The following MACF1 variants were observed in gnomAD, a reference collection of about 807,000 sequenced individuals.
MACF1 encodes microtubule actin crosslinking factor 1.
MACF1 carries 193 observed loss-of-function variants against 854.8 expected under a neutral mutation model. The ratio of observed to expected loss-of-function variants is 0.23; its 90% CI spans 0.20 to 0.25. The LOEUF (loss-of-function observed/expected upper bound fraction) is 0.25. Among genes scored for constraint, MACF1 ranks in the 10% least tolerant of loss-of-function variants. MACF1 has a pLI of 1.00. For missense variants in MACF1, 7,722 were observed against 8,929.1 expected, an observed-to-expected ratio of 0.86 and a Z score of 5.45; for synonymous variants, 3,185 against 3,226.7, an observed-to-expected ratio of 0.99 and a Z score of 0.44.
chr1:39,217,240 C>CTATTT (rs60350458), intron 1 of MACF1, among the ~76,000 whole-genome samples: 5,745 of 135,864 alleles, frequency 0.042, 214 homozygotes, highest in African/African-American at 0.084. Flanking sequence ...GATTTAGGGT[C>CTATTT]TATTTTATTT....
At chr1:39,467,781 CG>C (rs1644700384) in intron 95 of MACF1, 3 of 152,252 alleles carry the variant, frequency 2.0e-5, no homozygotes, top group South Asian at 4.1e-4. Flanking sequence ...GCAAATACTT[CG>C]GGTTAATTCC....
chr1:39,432,075 A>G (rs1254005278), intron 66 of MACF1, among the ~76,000 whole-genome samples: 1 of 152,194 alleles, frequency 6.6e-6, no homozygotes, highest in Non-Finnish European at 1.5e-5. Flanking sequence ...CCATTTAAAA[A>G]TGTGTTGTTC....
chr1:39,443,780 G>A (rs1644166667), intron 79 of MACF1, among the ~76,000 whole-genome samples: 1 of 152,104 alleles, frequency 6.6e-6, no homozygotes, highest in Admixed American at 6.5e-5. Flanking sequence ...AAGGTCAGCT[G>A]GAAATTTTGA....
Position 39,333,346 on chromosome 1 carries a change from G to T in MACF1, c.6758G>T (p.Ser2253Ile). ...GAAGCACAGAACATCGCAGGTGGTAGTATGATGATGTCAGAAAAGACCGAT... is the reference window on the plus strand; with the variant it reads ...GAAGCACAGAACATCGCAGGTGGTATTATGATGATGTCAGAAAAGACCGAT... ...SQEAQNIAGG[S>I]MMMSEKTDEE... Residue 2253 changes from serine to isoleucine, a missense_variant, in exon 37 of 101, where the codon AGT (serine) becomes ATT (isoleucine). Ser to Ile is a moderately radical substitution (Grantham distance 142). Coordinates refer to ENST00000564288, the MANE Select transcript of MACF1 (RefSeq NM_001394062.1). 1 of 1,614,144 alleles carries T rather than the reference G, an allele frequency of 6.2e-7. No individual in the cohort carries two copies. The highest frequency in any genetic ancestry group is 8.5e-7 in the Non-Finnish European group (1 of 1,180,030).
At chr1:39,446,572 G>C (rs1644236432) in intron 80 of MACF1, among the ~76,000 whole-genome samples, 1 of 151,932 alleles carries the variant, frequency 6.6e-6, no homozygotes, top group Non-Finnish European at 1.5e-5. Context: ...AACCCAGTCA[G>C]GTAGAATTAA....
intron 2 of MACF1, among the ~76,000 whole-genome samples, chr1:39,239,421 T>G (rs903035655): frequency 1.3e-5 from 2 of 152,236 alleles, no homozygotes; most frequent in Non-Finnish European, 2.9e-5. Context: ...GATAAGCAAA[T>G]TAATTCCTCC....
chr1:39,410,974 T>C (rs750616388), intron 58 of MACF1: 11 of 1,613,768 alleles, frequency 6.8e-6, no homozygotes, highest in Middle Eastern at 1.6e-4. Context: ...GCCTGTAGAA[T>C]CAGAAGCTGT....
intron 91 of MACF1, chr1:39,459,899 G>A: frequency 8.2e-7 from 1 of 1,221,140 alleles, no homozygotes; most frequent in Middle Eastern, 2.2e-4. Flanking sequence ...TTGGGTTCTT[G>A]GTGCTTTTTT....
chr1:39,234,114 A>C (rs1473843356), intron 2 of MACF1, among the ~76,000 whole-genome samples: 3 of 149,478 alleles, frequency 2.0e-5, no homozygotes, highest in Non-Finnish European at 4.5e-5. Context: ...GGGTAAGGTC[A>C]CAGATCAACA....
At chr1:39,316,569 AT>A in intron 28 of MACF1, 40 bp downstream of exon 28, 2 of 1,583,714 alleles carry the variant, frequency 1.3e-6, no homozygotes, top group Non-Finnish European at 1.7e-6. Flanking sequence ...GACCTAACAT[AT>A]TCATTGCTTT....
At chr1:39,115,559 C>A (rs567451398) in intron 2 of MACF1, among the ~76,000 whole-genome samples, 15 of 151,898 alleles carry the variant, frequency 9.9e-5, no homozygotes, top group African/African-American at 2.9e-4. Context: ...GGTTACATTG[C>A]GGTCGAGGCT....
At chr1:39,385,167 A>C (rs151222251) in intron 56 of MACF1, among the ~76,000 whole-genome samples, 1 of 152,108 alleles carries the variant, frequency 6.6e-6, no homozygotes, top group Non-Finnish European at 1.5e-5. Context: ...TCCTGGGTTC[A>C]AGCAATTCTC....
Position 39,336,229 on chromosome 1 carries a change from G to A in MACF1, c.9641G>A (p.Gly3214Asp). The A allele has an allele frequency of 1.2e-6, 2 of 1,614,070 alleles. No individual in the cohort carries two copies. The highest frequency in any genetic ancestry group is 1.7e-6 in the Non-Finnish European group (2 of 1,179,992). ...GACAGAAAAGACCTTCATCATCAGGGCAGCAAAAGTGATGATAAACTTTGT... is the reference window on the plus strand; with the variant it reads ...GACAGAAAAGACCTTCATCATCAGGACAGCAAAAGTGATGATAAACTTTGT... Reference protein sequence around the residue: ...FSDRKDLHHQGSKSDDKLCGT... With the variant: ...FSDRKDLHHQDSKSDDKLCGT... Residue 3214 changes from glycine to aspartate, a missense_variant, in exon 37 of 101, where the codon GGC becomes GAC. Transcript: ENST00000564288.
chr1:39,317,595 G>T (rs1372829874), intron 29 of MACF1, among the ~76,000 whole-genome samples, 188 bp downstream of exon 29: 1 of 152,202 alleles, frequency 6.6e-6, no homozygotes, highest in African/African-American at 2.4e-5. Context: ...CAAAGCAGAT[G>T]TAATGCCTCT....
At chr1:39,217,447 G>C (rs1390814063) in intron 1 of MACF1, among the ~76,000 whole-genome samples, 2 of 151,736 alleles carry the variant, frequency 1.3e-5, no homozygotes, top group Non-Finnish European at 2.9e-5. Context: ...GCTAATTTTT[G>C]TATTTTTGGT....
Position 39,424,167 on chromosome 1 carries a change from C to T in MACF1, c.16289C>T (p.Thr5430Ile), listed in dbSNP as rs1486636179. ...GQLESLESRW[T>I]ELLSKAAARQ... ...CTGGAGAGTCTTGAAAGTAGATGGA[C>T]TGAACTACTCAGTAAGGCAGCAGCC... is the stretch of plus-strand genomic sequence containing the variant. Residue 5430 changes from threonine to isoleucine, a missense_variant, in exon 61 of 101, where the codon ACT (threonine) becomes ATT (isoleucine). Thr to Ile is a moderately conservative substitution (Grantham distance 89). Around this residue, in one of 15 missense-constraint regions of MACF1, gnomAD observed 2,807 missense variants for 3,235.8 expected, o/e 0.87. Transcript: ENST00000564288. The T allele has an allele frequency of 6.2e-7, 1 of 1,613,590 alleles. No individual in the cohort carries two copies. Among genetic ancestry groups the T allele is most frequent in the Admixed American group, 1.7e-5 (1 of 59,948 alleles).
chr1:39,166,193 G>A (rs1214259567), intron 2 of MACF1, among the ~76,000 whole-genome samples: 4 of 151,268 alleles, frequency 2.6e-5, no homozygotes, highest in Admixed American at 2.6e-4. Flanking sequence ...TCAGCCTCCC[G>A]AGTAGCTGGG....
intron 81 of MACF1, 32 bp from the exon 82 acceptor site, chr1:39,447,660 T>G (rs1644256607): frequency 6.2e-7 from 1 of 1,613,678 alleles, no homozygotes; most frequent in African/African-American, 1.3e-5. Flanking sequence ...TATCTTATCT[T>G]AAGCTAAAAA....
At chr1:39,276,978 G>C (rs1557558881) in intron 6 of MACF1, among the ~76,000 whole-genome samples, 7 of 152,074 alleles carry the variant, frequency 4.6e-5, no homozygotes. Flanking sequence ...AAAGAGGAAT[G>C]AAAAATCTAA....
Sources: allele counts gnomAD v4.1 joint callset (sites outside exome capture counted in the v4.1 genomes callset), GRCh38; gene constraint gnomAD v4.1.1; regional missense constraint gnomAD v4.1.1; transcripts MANE v1.5; gene names NCBI Gene and HGNC (gene_info 2026-07-23, HGNC 2026-07-21).